Variants in ATF2 observed in about 807,000 individuals in gnomAD.
ATF2 encodes the protein cyclic AMP-dependent transcription factor ATF-2.
A neutral mutation model predicts 60.6 loss-of-function variants in ATF2; 24 were observed. The ratio of observed to expected loss-of-function variants is 0.40; its 90% CI spans 0.29 to 0.56. The LOEUF (loss-of-function observed/expected upper bound fraction) is 0.56, where lower values mean the gene tolerates loss of function less well. Ranked by LOEUF, ATF2 falls within the 20% of genes least tolerant of loss-of-function variation. The pLI, the probability that ATF2 is intolerant of heterozygous loss-of-function variation, is 0.54. For synonymous variants in ATF2, 206 were observed against 215.4 expected (o/e 0.96, Z 0.38); for missense variants, 433 against 607.7 (o/e 0.71, Z 3.02).
At chr2:175,110,697 C>G (rs914236928) in intron 10 of ATF2, among the ~76,000 whole-genome samples, 3 of 152,082 alleles carry the variant, frequency 2.0e-5, no homozygotes, top group Non-Finnish European at 2.9e-5. Context: ...CTCGGCCTCC[C>G]GGGTTCAAGC....
At chr2:175,155,047 T>G (rs1440150703) in intron 1 of ATF2, among the ~76,000 whole-genome samples, 2 of 152,148 alleles carry the variant, frequency 1.3e-5, no homozygotes, top group Non-Finnish European at 2.9e-5. Flanking sequence ...GGAGGCAGTA[T>G]GGGATACAGA....
chr2:175,091,322 A>T (rs1694532623), intron 12 of ATF2, among the ~76,000 whole-genome samples: 1 of 152,170 alleles, frequency 6.6e-6, no homozygotes, highest in Admixed American at 6.5e-5. Context: ...GTTTTATGTC[A>T]TACAACTATA....
At chr2:175,080,850 T>C (rs984706925) in intron 12 of ATF2, 85 bp from the exon 13 acceptor site, 85 of 1,075,666 alleles carry the variant, frequency 7.9e-5, no homozygotes, top group East Asian at 4.6e-4. Flanking sequence ...AAGTATAAAA[T>C]TGGACATCAC....
chr2:175,154,568 T>C (rs1437940696), intron 1 of ATF2, among the ~76,000 whole-genome samples: 1 of 152,220 alleles, frequency 6.6e-6, no homozygotes, highest in Non-Finnish European at 1.5e-5. Context: ...TTATCAAATA[T>C]TACATACTGT....
At chr2:175,141,031 ATAT>A (rs1289439137) in intron 2 of ATF2, among the ~76,000 whole-genome samples, 17 of 47,184 alleles carry the variant, frequency 3.6e-4, no homozygotes, top group South Asian at 6.6e-4. Context: ...AAAAAAAAAA[ATAT>A]ATATATATAT....
At chr2:175,084,804 C>T (rs1364320013) in intron 12 of ATF2, among the ~76,000 whole-genome samples, 1 of 152,072 alleles carries the variant, frequency 6.6e-6, no homozygotes, top group East Asian at 1.9e-4. Context: ...TGCTTGCTAC[C>T]TCTACCAGAC....
intron 4 of ATF2, 63 bp from the exon 5 acceptor site, chr2:175,121,603 T>C (rs1696955816): frequency 7.9e-7 from 1 of 1,271,860 alleles, no homozygotes; most frequent in Admixed American, 2.0e-5. Flanking sequence ...GTAAAATGAT[T>C]AGGAAATTAA....
At position 175,164,339 on chromosome 2, in the gene ATF2, G is replaced by A. The variant is rs1043733359; in HGVS notation, c.-143+3711C>T. ...ACTCGAGGCCAGGAAGTCGAGATCA[G>A]CCTGGCCAACATGGTGAAACCCCAT... On this transcript the variant is annotated intron_variant, in intron 1 of 13. Transcript: ENST00000264110. Among the ~76,000 whole-genome samples the A allele has an allele frequency of 3.9e-5, 6 of 152,120 alleles. No homozygotes were observed. In the East Asian group the frequency reaches 1.2e-3, roughly 29 times the overall value.
chr2:175,162,805 G>A (rs1261908782), intron 1 of ATF2, among the ~76,000 whole-genome samples: 2 of 152,128 alleles, frequency 1.3e-5, no homozygotes, highest in Non-Finnish European at 2.9e-5. Flanking sequence ...GGCAAAACAA[G>A]TTGATATATA....
chr2:175,101,545 TATC>T, intron 10 of ATF2, among the ~76,000 whole-genome samples: 1 of 152,254 alleles, frequency 6.6e-6, no homozygotes, highest in African/African-American at 2.4e-5. Flanking sequence ...AGGTAGAAAT[TATC>T]ATAGAATTGA....
At chr2:175,082,065 AT>A (rs1693798219) in intron 12 of ATF2, among the ~76,000 whole-genome samples, 1 of 152,180 alleles carries the variant, frequency 6.6e-6, no homozygotes, top group African/African-American at 2.4e-5. Context: ...CTCAAAAAAA[AT>A]AAATGAAATA....
At chr2:175,123,128 GTAC>G (rs1351901398) in intron 4 of ATF2, among the ~76,000 whole-genome samples, 1 of 151,904 alleles carries the variant, frequency 6.6e-6, no homozygotes, top group Non-Finnish European at 1.5e-5. Context: ...CCCCACCCAG[GTAC>G]TGTCTTCCTA....
intron 10 of ATF2, among the ~76,000 whole-genome samples, chr2:175,109,177 A>AT (rs1695994297): frequency 6.7e-6 from 1 of 150,254 alleles, no homozygotes; most frequent in African/African-American, 2.4e-5. Context: ...ATAAAAAAAA[A>AT]AAAAAAAAAA....
At chr2:175,122,642 T>C (rs1482419246) in intron 4 of ATF2, among the ~76,000 whole-genome samples, 3 of 152,030 alleles carry the variant, frequency 2.0e-5, no homozygotes, top group Non-Finnish European at 4.4e-5. Flanking sequence ...CCACTATCCG[T>C]CTGCCTGTAG....
At chr2:175,154,233 A>AT (rs200479450) in intron 1 of ATF2, among the ~76,000 whole-genome samples, 294 of 145,646 alleles carry the variant, frequency 2.0e-3, no homozygotes, top group African/African-American at 6.4e-3. Context: ...AAGAAAAAAA[A>AT]AATATATATA....
At chr2:175,083,969 C>T (rs1297605361) in intron 12 of ATF2, among the ~76,000 whole-genome samples, 2 of 152,052 alleles carry the variant, frequency 1.3e-5, no homozygotes, top group Non-Finnish European at 2.9e-5. Context: ...ATTAGAATGG[C>T]AATCATTAAA....
intron 12 of ATF2, among the ~76,000 whole-genome samples, chr2:175,084,091 C>T (rs1427790185): frequency 6.6e-6 from 1 of 152,122 alleles, no homozygotes; most frequent in Non-Finnish European, 1.5e-5. Flanking sequence ...GTGGCGATTC[C>T]TCAGGGATCT....
At chr2:175,153,882 AC>A (rs1699483220) in intron 1 of ATF2, among the ~76,000 whole-genome samples, 1 of 150,140 alleles carries the variant, frequency 6.7e-6, no homozygotes, top group South Asian at 2.1e-4. Context: ...GTTCAGCTAT[AC>A]AAAAATATTT....
intron 7 of ATF2, 56 bp from the exon 8 acceptor site, chr2:175,114,924 T>C: frequency 6.4e-7 from 1 of 1,551,648 alleles, no homozygotes; most frequent in Non-Finnish European, 8.8e-7. Context: ...TCATGTACCT[T>C]AGTGAACAGA....
Sources: gnomAD v4.1 joint callset for allele counts (sites outside exome capture counted in the v4.1 genomes callset) on GRCh38, gnomAD v4.1.1 for gene constraint, MANE v1.5 for transcripts, NCBI Gene and HGNC (gene_info 2026-07-23, HGNC 2026-07-21) for gene names.